Variants in IL2RA observed in about 807,000 individuals in gnomAD.
IL2RA encodes the protein interleukin-2 receptor subunit alpha.
IL2RA carries 24 observed loss-of-function variants against 37.8 expected under a neutral mutation model. The ratio of observed to expected loss-of-function variants is 0.63; its 90% CI spans 0.46 to 0.89. IL2RA has a LOEUF of 0.89. Ranked by LOEUF, IL2RA falls within the 40% of genes least tolerant of loss-of-function variation. IL2RA has a pLI of 0.00. For synonymous variants in IL2RA, 125 were observed against 114.6 expected, an observed-to-expected ratio of 1.09 and a Z score of -0.58; for missense variants, 319 against 348.6, an observed-to-expected ratio of 0.92 and a Z score of 0.68.
chr10:6,047,764 G>T lies in IL2RA; in HGVS notation c.64+14324C>A, dbSNP rs1839889202. Among the ~76,000 whole-genome samples, 1 of 148,948 alleles carries T rather than the reference G, an allele frequency of 6.7e-6. No homozygotes were observed. The highest frequency in any genetic ancestry group is 1.5e-5 in the Non-Finnish European group (1 of 67,442). Reference sequence around the variant, plus strand: ...GATATATAATAAGCAATTAGGGTATGTTATATAAAATACTATAGTATACTC... The same window carrying T: ...GATATATAATAAGCAATTAGGGTATTTTATATAAAATACTATAGTATACTC... On this transcript the variant is annotated intron_variant, in intron 1 of 7. Transcript: ENST00000379959. This position sits in a 1 kb window ranked among gnomAD's most constrained non-coding sequence, Gnocchi z 5.0.
rs1410836378 is a variant in IL2RA at position 6,035,519 on chromosome 10, C to A, written c.65-9494G>T. ...GGTGGGCCGCACATGAGGCTCTGAG[C>A]AGGCTATATCTCTATTCTGGCAATA... is the stretch of plus-strand genomic sequence containing the variant. On this transcript the variant is annotated intron_variant, in intron 1 of 7. Transcript: ENST00000379959. The surrounding 1 kb of genome is among the most constrained non-coding windows in gnomAD (Gnocchi z 5.4). Among the ~76,000 whole-genome samples, 2 of 152,198 alleles carry A rather than the reference C, an allele frequency of 1.3e-5. No homozygotes were observed. The highest frequency in any genetic ancestry group is 3.8e-4 in the East Asian group (2 of 5,198).
chr10:6,036,343 C>T lies in IL2RA; in HGVS notation c.65-10318G>A, dbSNP rs1055338074. The T allele has an allele frequency of 3.3e-5, 5 of 152,286 alleles. No homozygotes were observed. The South Asian group carries it at 8.3e-4, about 25-fold the overall frequency. The allele number at this position is 152,286 out of a possible 1,614,324, so 9.4% of individuals were successfully genotyped here. ...GTGTTCGACTCCACTCTCAGTCACT[C>T]GTCACTCTTCCCAGAAGGACAAATG... is the stretch of plus-strand genomic sequence containing the variant. On this transcript the variant is annotated intron_variant, in intron 1 of 7. Transcript: ENST00000379959. This position sits in a 1 kb window ranked among gnomAD's most constrained non-coding sequence, Gnocchi z 6.1.
At chr10:6,045,647 T>C (rs1839841270) in intron 1 of IL2RA, among the ~76,000 whole-genome samples, 1 of 152,214 alleles carries the variant, frequency 6.6e-6, no homozygotes, top group Admixed American at 6.5e-5. Context: ...AAAGCAGTTT[T>C]TCCTCAAATC....
At chr10:6,034,033 C>T (rs1471482848) in intron 1 of IL2RA, among the ~76,000 whole-genome samples, 2 of 152,184 alleles carry the variant, frequency 1.3e-5, no homozygotes, top group Non-Finnish European at 2.9e-5. Flanking sequence ...TTTCTAAACA[C>T]ATCAATTTGA....
At chr10:6,049,668 C>G (rs1312635482) in intron 1 of IL2RA, among the ~76,000 whole-genome samples, 1 of 152,342 alleles carries the variant, frequency 6.6e-6, no homozygotes. Flanking sequence ...ACTTTGCTCC[C>G]TTTTCTTTAC....
Position 6,029,128 on chromosome 10 carries a change from T to TTTTATTTA in IL2RA, c.65-3111_65-3104dup, listed in dbSNP as rs199788056. ...TGACCTGCAGATTTGCTGCCATTTATTTTATTTATTTATTTATTTATTTAT... is the reference window on the plus strand; with the variant it reads ...TGACCTGCAGATTTGCTGCCATTTATTTTATTTATTTATTTATTTATTTATTTATTTAT... On this transcript the variant is annotated intron_variant, in intron 1 of 7. Coordinates refer to ENST00000379959, the MANE Select transcript of IL2RA (RefSeq NM_000417.3). The surrounding 1 kb of genome is among the most constrained non-coding windows in gnomAD (Gnocchi z 4.6). 2.8e-5 allele frequency among the ~76,000 whole-genome samples: 4 copies of TTTTATTTA among 140,776 alleles called. No individual in the cohort carries two copies. Among genetic ancestry groups the TTTTATTTA allele is most frequent in the South Asian group, 2.3e-4 (1 of 4,330 alleles). 92.4% of individuals were successfully genotyped at this position (140,776 alleles called of 152,430 possible).
intron 1 of IL2RA, among the ~76,000 whole-genome samples, chr10:6,041,209 T>TC (rs1195065586): frequency 6.7e-6 from 1 of 149,772 alleles, no homozygotes; most frequent in Non-Finnish European, 1.5e-5. Context: ...GCTCCGCCTC[T>TC]CGGGTTCAGG....
At chr10:6,052,942 G>A (rs41294909) in intron 1 of IL2RA, among the ~76,000 whole-genome samples, 10 of 152,232 alleles carry the variant, frequency 6.6e-5, no homozygotes, top group African/African-American at 1.4e-4. Context: ...AGCAGGACCC[G>A]GAGAACCCAG....
At chr10:6,034,869 C>G (rs12722665) in intron 1 of IL2RA, among the ~76,000 whole-genome samples, 8 of 152,184 alleles carry the variant, frequency 5.3e-5, no homozygotes, top group Non-Finnish European at 1.2e-4. Context: ...GGGAGGCAGA[C>G]AGAATTTTCC....
At position 6,011,413 on chromosome 10, in the gene IL2RA, T is replaced by G. The variant is rs752262905; in HGVS notation, c.*1459A>C. The G allele has an allele frequency of 6.6e-6, 1 of 152,296 alleles. No individual in the cohort carries two copies. Among genetic ancestry groups the G allele is most frequent in the Non-Finnish European group, 1.5e-5 (1 of 68,062 alleles). 9.4% of individuals were successfully genotyped at this position (152,296 alleles called of 1,614,324 possible). On this transcript the variant is annotated 3_prime_UTR_variant, in exon 8 of 8. Transcript: ENST00000379959. The surrounding 1 kb of genome is among the most constrained non-coding windows in gnomAD (Gnocchi z 5.2). ...GGGAATTGTTAGACACACAAAACAT[T>G]TGGCTCTATTCCAGACCAACAACTC... is the stretch of plus-strand genomic sequence containing the variant.
chr10:6,024,319 G>C lies in IL2RA; in HGVS notation c.292C>G (p.Pro98Ala). 6.2e-7 allele frequency: 1 copy of C among 1,614,088 alleles called. No individual in the cohort carries two copies. Residue 98 changes from proline to alanine, a missense_variant, in exon 3 of 8, where the codon CCT becomes GCT. By Grantham distance (27) the Pro-to-Ala change is conservative. Coordinates refer to ENST00000379959, the MANE Select transcript of IL2RA (RefSeq NM_000417.3). Reference protein sequence around the residue: ...RNTTKQVTPQPEEQKERKTTE... With the variant: ...RNTTKQVTPQAEEQKERKTTE... ...GTTTTCCTTTCTTTCTGTTCTTCAG[G>C]TTGAGGTGTCACTTGTTTCGTTGTG...
intron 1 of IL2RA, among the ~76,000 whole-genome samples, chr10:6,031,442 GTATATATATATACATA>G (rs1343129310): frequency 0.011 from 590 of 54,016 alleles, 26 homozygotes; most frequent in Middle Eastern, 0.051. Context: ...AGCAATTTCA[GTATATATATATACATA>G]TATATATATA....
chr10:6,017,157 A>G (rs1346292634), intron 7 of IL2RA: 1 of 152,462 alleles, frequency 6.6e-6, no homozygotes, highest in Non-Finnish European at 1.5e-5. Flanking sequence ...ACTCACTGGT[A>G]TTTTAGAAGA....
In IL2RA at chr10:6,062,095, G is replaced by A; in HGVS notation, c.57C>T (p.Cys19=). 1.2e-6 allele frequency: 2 copies of A among 1,613,746 alleles called. No individual in the cohort carries two copies. The highest frequency in any genetic ancestry group is 1.7e-6 in the Non-Finnish European group (2 of 1,179,644). Residue 19 remains cysteine, a synonymous_variant, in exon 1 of 8, where the codon TGC becomes TGT. Coordinates refer to ENST00000379959, the MANE Select transcript of IL2RA (RefSeq NM_000417.3). ...GCACCCACAGGCCCTTACCTGCCTG[G>A]CAGCCAGGCACCATGATGAACGTGA... The part of the protein sequence containing the change: ...GLLTFIMVPG[C]QAELCDDDPP...
At chr10:6,034,244 C>A (rs1039097422) in intron 1 of IL2RA, among the ~76,000 whole-genome samples, 2 of 152,204 alleles carry the variant, frequency 1.3e-5, no homozygotes, top group Middle Eastern at 6.4e-3. Context: ...CATAAAGAAT[C>A]TTTCCTGGAA....
rs1840006708 is a variant in IL2RA at position 6,054,116 on chromosome 10, T to C, written c.64+7972A>G. Among the ~76,000 whole-genome samples the C allele has an allele frequency of 6.6e-6, 1 of 152,112 alleles. No individual in the cohort carries two copies. Among genetic ancestry groups the C allele is most frequent in the Non-Finnish European group, 1.5e-5 (1 of 68,022 alleles). Reference sequence around the variant, plus strand: ...CCACCCACACTTTGTTGCCCTGGAGTTTCCTGCCACCTGAACCCCTCCTTA... The same window carrying C: ...CCACCCACACTTTGTTGCCCTGGAGCTTCCTGCCACCTGAACCCCTCCTTA... On this transcript the variant is annotated intron_variant, in intron 1 of 7. Coordinates refer to ENST00000379959, the MANE Select transcript of IL2RA (RefSeq NM_000417.3). The surrounding 1 kb of genome is among the most constrained non-coding windows in gnomAD (Gnocchi z 4.5).
rs974883749 is a variant in IL2RA at position 6,058,666 on chromosome 10, A to G, written c.64+3422T>C. 6.6e-6 allele frequency among the ~76,000 whole-genome samples: 1 copy of G among 152,208 alleles called. No individual in the cohort carries two copies. The highest frequency in any genetic ancestry group is 1.5e-5 in the Non-Finnish European group (1 of 68,032). On this transcript the variant is annotated intron_variant, in intron 1 of 7. Coordinates refer to ENST00000379959, the MANE Select transcript of IL2RA (RefSeq NM_000417.3). The surrounding 1 kb of genome is among the most constrained non-coding windows in gnomAD (Gnocchi z 4.2). ...AAACACATTATCTCAATGGGTTTCC[A>G]CACTGTTTTTTTAAAGAATTATTTT...
intron 1 of IL2RA, among the ~76,000 whole-genome samples, chr10:6,031,512 G>GTATATATATA (rs58221909): frequency 3.8e-5 from 2 of 52,690 alleles, no homozygotes; most frequent in African/African-American, 6.8e-5. Context: ...ATATATATAT[G>GTATATATATA]TATATATATG....
chr10:6,022,622 G>C lies in IL2RA; in HGVS notation c.368-929C>G, dbSNP rs1000351622. On this transcript the variant is annotated intron_variant, in intron 3 of 7. Coordinates refer to ENST00000379959, the MANE Select transcript of IL2RA (RefSeq NM_000417.3). The surrounding 1 kb of genome is among the most constrained non-coding windows in gnomAD (Gnocchi z 4.7). ...AGGAAGCTGGGTGGCCCTGTCCCAG[G>C]CTGGCTCCTGCCATGTGGCACCTTG... 2.0e-5 allele frequency among the ~76,000 whole-genome samples: 3 copies of C among 151,680 alleles called. No homozygotes were observed. Among genetic ancestry groups the C allele is most frequent in the Non-Finnish European group, 2.9e-5 (2 of 67,996 alleles).
Sources: gnomAD v4.1 joint callset for allele counts (sites outside exome capture counted in the v4.1 genomes callset) on GRCh38, gnomAD v4.1.1 for gene constraint, Gnocchi (gnomAD v3.1) non-coding constraint, MANE v1.5 for transcripts, NCBI Gene and HGNC (gene_info 2026-07-23, HGNC 2026-07-21) for gene names.